The following SLC44A5 variants were observed in gnomAD, a reference collection of about 807,000 sequenced individuals.
SLC44A5 encodes the protein solute carrier family 44 member 5, also known as choline transporter-like protein 5.
SLC44A5 carries 57 observed loss-of-function variants against 101.8 expected under a neutral mutation model. The ratio of observed to expected loss-of-function variants is 0.56; its 90% confidence interval spans 0.45 to 0.70. The LOEUF is 0.70. Ranked by LOEUF, SLC44A5 falls within the 30% of genes least tolerant of loss-of-function variation. SLC44A5 has a pLI of 0.00. For missense variants in SLC44A5, 737 were observed against 853.1 expected, an observed-to-expected ratio of 0.86 and a Z score of 1.70; for synonymous variants, 281 against 290.9, an observed-to-expected ratio of 0.97 and a Z score of 0.35.
intron 2 of SLC44A5, among the ~76,000 whole-genome samples, chr1:75,456,273 A>G (rs891182030): frequency 6.6e-6 from 1 of 152,196 alleles, no homozygotes; most frequent in African/African-American, 2.4e-5. Context: ...CAAACACTGC[A>G]TGTTCTCACA....
intron 2 of SLC44A5, among the ~76,000 whole-genome samples, chr1:75,457,130 G>T (rs1271922509): frequency 6.6e-6 from 1 of 152,152 alleles, no homozygotes; most frequent in African/African-American, 2.4e-5. Flanking sequence ...AGCACATAGT[G>T]ATAGGAATAT....
chr1:75,386,666 A>G (rs1344868609), intron 3 of SLC44A5, among the ~76,000 whole-genome samples: 1 of 152,150 alleles, frequency 6.6e-6, no homozygotes, highest in Non-Finnish European at 1.5e-5. Flanking sequence ...TGCCATCCCT[A>G]TCAAGCTACC....
the SLC44A5 span, among the ~76,000 whole-genome samples, chr1:75,628,499 G>C: frequency 6.6e-6 from 1 of 152,060 alleles, no homozygotes; most frequent in South Asian, 2.1e-4. Context: ...TAAACATTAT[G>C]ACCTTTAATT....
chr1:75,578,748 T>C (rs1300047110), intron 1 of SLC44A5, among the ~76,000 whole-genome samples: 3 of 152,176 alleles, frequency 2.0e-5, no homozygotes, highest in Non-Finnish European at 4.4e-5. Context: ...AATAATAATG[T>C]ATTGATACTA....
intron 1 of SLC44A5, among the ~76,000 whole-genome samples, chr1:75,564,354 A>T (rs1224114673): frequency 6.6e-6 from 1 of 152,152 alleles, no homozygotes; most frequent in East Asian, 1.9e-4. Context: ...CATTAACATC[A>T]CTATCAAAAG....
At chr1:75,218,332 G>A (rs1357395708) in intron 17 of SLC44A5, among the ~76,000 whole-genome samples, 158 bp downstream of exon 17, 1 of 152,030 alleles carries the variant, frequency 6.6e-6, no homozygotes, top group African/African-American at 2.4e-5. Context: ...TGTAAAACTG[G>A]CTATGAAACC....
intron 3 of SLC44A5, among the ~76,000 whole-genome samples, chr1:75,367,197 G>T (rs1479598679): frequency 6.6e-6 from 1 of 152,196 alleles, no homozygotes; most frequent in African/African-American, 2.4e-5. Context: ...ACCTTCTCCT[G>T]TTAGGTCCCC....
At chr1:75,272,506 G>C (rs1238925449) in intron 6 of SLC44A5, among the ~76,000 whole-genome samples, 1 of 151,452 alleles carries the variant, frequency 6.6e-6, no homozygotes, top group Non-Finnish European at 1.5e-5. Flanking sequence ...TTTTTTTCTA[G>C]AAGTTTTATG....
chr1:75,624,591 G>A, the SLC44A5 span, among the ~76,000 whole-genome samples: 1 of 152,068 alleles, frequency 6.6e-6, no homozygotes, highest in East Asian at 1.9e-4. Context: ...GAGGAAATCT[G>A]GAGAATGAAA....
At chr1:75,255,478 T>C (rs1218033142) in intron 6 of SLC44A5, among the ~76,000 whole-genome samples, 1 of 150,578 alleles carries the variant, frequency 6.6e-6, no homozygotes. Flanking sequence ...TGGAAAAAAT[T>C]AAGAAATTCT....
At chr1:75,586,520 T>A (rs1019767756) in intron 1 of SLC44A5, among the ~76,000 whole-genome samples, 2 of 135,270 alleles carry the variant, frequency 1.5e-5, no homozygotes, top group African/African-American at 5.2e-5. Flanking sequence ...AAATGCTATA[T>A]TTTAGATGTC....
At chr1:75,249,607 C>T (rs1310604155) in intron 7 of SLC44A5, among the ~76,000 whole-genome samples, 2 of 152,134 alleles carry the variant, frequency 1.3e-5, no homozygotes, top group Non-Finnish European at 2.9e-5. Context: ...TCTCCATTGC[C>T]ACAATCCAGA....
chr1:75,691,453 A>G, the SLC44A5 span, among the ~76,000 whole-genome samples: 2 of 152,222 alleles, frequency 1.3e-5, no homozygotes, highest in African/African-American at 2.4e-5. Context: ...ACAGAGTGAA[A>G]TCAGTTTCCC....
At chr1:75,554,689 G>A (rs1450637440) in intron 1 of SLC44A5, among the ~76,000 whole-genome samples, 1 of 152,052 alleles carries the variant, frequency 6.6e-6, no homozygotes, top group Non-Finnish European at 1.5e-5. Context: ...GATAAGCCAT[G>A]TTAGGAGTTT....
At chr1:75,371,968 G>A (rs188226639) in intron 3 of SLC44A5, among the ~76,000 whole-genome samples, 60 of 152,188 alleles carry the variant, frequency 3.9e-4, no homozygotes, top group African/African-American at 1.4e-3. Flanking sequence ...AGGCCGAGGC[G>A]GGCAGATCAC....
chr1:75,362,994 G>A (rs946179084), intron 3 of SLC44A5, among the ~76,000 whole-genome samples: 7 of 151,910 alleles, frequency 4.6e-5, no homozygotes, highest in African/African-American at 1.4e-4. Flanking sequence ...TATATATTTA[G>A]GTTGGGTGCA....
chr1:75,363,683 A>G (rs1395837679), intron 3 of SLC44A5, among the ~76,000 whole-genome samples: 1 of 152,108 alleles, frequency 6.6e-6, no homozygotes, highest in African/African-American at 2.4e-5. Context: ...TACCTCTCAT[A>G]TTAGAGATAA....
chr1:75,261,682 A>T (rs1233535994), intron 6 of SLC44A5, among the ~76,000 whole-genome samples: 1 of 152,136 alleles, frequency 6.6e-6, no homozygotes, highest in East Asian at 1.9e-4. Context: ...AGCCAGCATC[A>T]TCCTAATGCC....
chr1:75,318,954 C>A lies in SLC44A5; in HGVS notation c.102-18269G>T, dbSNP rs56337713. Reference sequence around the variant, plus strand: ...TATCACTCCCAACCCCCCCTGCCAACGCACATCTCCCCAGCTCATATTTTC... The same window carrying A: ...TATCACTCCCAACCCCCCCTGCCAAAGCACATCTCCCCAGCTCATATTTTC... On this transcript the variant is annotated intron_variant, in intron 4 of 23. Coordinates refer to ENST00000370859, the MANE Select transcript of SLC44A5 (RefSeq NM_001130058.2). 9.0e-3 allele frequency among the ~76,000 whole-genome samples: 1,364 copies of A among 152,182 alleles called. 22 individuals carry two copies. The highest frequency in any genetic ancestry group is 0.031 in the African/African-American group (1,286 of 41,520).
Sources: allele counts gnomAD v4.1 joint callset (sites outside exome capture counted in the v4.1 genomes callset), GRCh38; gene constraint gnomAD v4.1.1; transcripts MANE v1.5; gene names NCBI Gene and HGNC (gene_info 2026-07-23, HGNC 2026-07-21).